The following DCP1A variants were observed in gnomAD, a reference collection of about 807,000 sequenced individuals.
DCP1A encodes decapping mRNA 1A.
Under a neutral mutation model 58.0 loss-of-function variants are expected in DCP1A, and 20 were observed. That is an observed-to-expected ratio of 0.34 (90% CI 0.24 to 0.50). DCP1A has a LOEUF of 0.50. DCP1A is among the 20% of genes least tolerant of loss of function. The probability of loss-of-function intolerance (pLI) is 0.98; values close to 1 mark genes in which losing one functional copy is unlikely to be tolerated. For synonymous variants in DCP1A, 285 were observed against 275.1 expected (o/e 1.04, Z -0.36); for missense variants, 613 against 712.2 (o/e 0.86, Z 1.59).
At chr3:53,325,947 G>C (rs1440372620) in intron 3 of DCP1A, among the ~76,000 whole-genome samples, 1 of 152,098 alleles carries the variant, frequency 6.6e-6, no homozygotes, top group African/African-American at 2.4e-5. Flanking sequence ...AACCCTTTTG[G>C]CCAAAAAACC....
chr3:53,320,577 G>T (rs1441146992), intron 3 of DCP1A, among the ~76,000 whole-genome samples: 1 of 152,060 alleles, frequency 6.6e-6, no homozygotes, highest in Non-Finnish European at 1.5e-5. Flanking sequence ...TTTTTATTTT[G>T]AAATAATTGT....
Position 53,342,261 on chromosome 3 carries a change from G to T in DCP1A, c.187C>A (p.Pro63Thr). ...TTCACAATGGTAAAACCATGGTAAG[G>T]GGAAGCTGACCTTAGATTTAATAGA... Reference protein sequence around the residue: ...TLFVYRRSASPYHGFTIVNRL... With the variant: ...TLFVYRRSASTYHGFTIVNRL... Residue 63 changes from proline (P) to threonine (T), a missense_variant, in exon 3 of 10, where the codon CCT becomes ACT. This residue lies in a region of DCP1A where 65 missense variants were observed against 118.5 expected (regional missense o/e 0.55). Transcript: ENST00000610213. The T allele has an allele frequency of 6.3e-7, 1 of 1,598,408 alleles. No individual in the cohort carries two copies. The highest frequency in any genetic ancestry group is 1.1e-5 in the South Asian group (1 of 88,880).
chr3:53,306,464 C>T (rs1457072410), intron 5 of DCP1A, among the ~76,000 whole-genome samples: 1 of 152,096 alleles, frequency 6.6e-6, no homozygotes, highest in Non-Finnish European at 1.5e-5. Context: ...AGCAGTGGCT[C>T]CCAGCACTTC....
intron 8 of DCP1A, 144 bp from the exon 9 acceptor site, chr3:53,288,427 A>G: frequency 1.6e-6 from 1 of 634,034 alleles, no homozygotes; most frequent in Non-Finnish European, 2.7e-6. Context: ...AACATTCAGT[A>G]GGAACATGTG....
At chr3:53,298,638 G>A (rs1297074111) in intron 6 of DCP1A, among the ~76,000 whole-genome samples, 3 of 152,178 alleles carry the variant, frequency 2.0e-5, no homozygotes, top group African/African-American at 7.2e-5. Flanking sequence ...CTTAAGCAGT[G>A]TGCCACCATA....
intron 3 of DCP1A, among the ~76,000 whole-genome samples, chr3:53,333,861 ACTC>A (rs2089062797): frequency 6.6e-6 from 1 of 152,106 alleles, no homozygotes; most frequent in Non-Finnish European, 1.5e-5. Context: ...ACCGTGTATG[ACTC>A]ACACAGAGAC....
At chr3:53,329,272 A>C (rs1708194043) in intron 3 of DCP1A, 1 of 398,082 alleles carries the variant, frequency 2.5e-6, no homozygotes, top group Non-Finnish European at 4.4e-6. Context: ...TCTTCTACTA[A>C]AACTTTCCAT....
intron 3 of DCP1A, among the ~76,000 whole-genome samples, chr3:53,333,979 C>T (rs1048690151): frequency 6.6e-6 from 1 of 151,856 alleles, no homozygotes; most frequent in South Asian, 2.1e-4. Context: ...AACCAGCATA[C>T]AGGGCCAGTG....
intron 5 of DCP1A, among the ~76,000 whole-genome samples, chr3:53,306,844 A>G (rs1707491019): frequency 6.6e-6 from 1 of 151,368 alleles, no homozygotes; most frequent in South Asian, 2.1e-4. Flanking sequence ...CTTGAGCCCA[A>G]GAGTTTAAGG....
chr3:53,336,206 C>T (rs886714430), intron 3 of DCP1A, among the ~76,000 whole-genome samples: 2 of 152,158 alleles, frequency 1.3e-5, no homozygotes, highest in African/African-American at 2.4e-5. Context: ...CGGGTTCAAA[C>T]GATTCTTCTG....
chr3:53,288,551 G>C (rs1553685507), intron 8 of DCP1A, among the ~76,000 whole-genome samples: 1 of 152,196 alleles, frequency 6.6e-6, no homozygotes, highest in African/African-American at 2.4e-5. Context: ...CAGTAGGTAA[G>C]AGAAGTAACA....
intron 3 of DCP1A, among the ~76,000 whole-genome samples, chr3:53,335,976 T>C (rs1223581866): frequency 6.6e-6 from 1 of 151,712 alleles, no homozygotes; most frequent in East Asian, 1.9e-4. Context: ...TTTTTTGTAT[T>C]TTTTATAGAG....
intron 3 of DCP1A, among the ~76,000 whole-genome samples, chr3:53,320,279 G>T (rs552219914): frequency 6.6e-6 from 1 of 152,102 alleles, no homozygotes; most frequent in Non-Finnish European, 1.5e-5. Flanking sequence ...TTCCCAATAT[G>T]GTGCTCAGTT....
intron 4 of DCP1A, among the ~76,000 whole-genome samples, chr3:53,317,542 TA>T (rs1707849094): frequency 6.6e-6 from 1 of 152,188 alleles, no homozygotes; most frequent in Non-Finnish European, 1.5e-5. Context: ...GATCATCTAA[TA>T]AATGGCTATG....
At chr3:53,290,625 G>C (rs963389905) in intron 8 of DCP1A, 166 bp downstream of exon 8, 2 of 679,906 alleles carry the variant, frequency 2.9e-6, no homozygotes, top group Non-Finnish European at 5.2e-6. Flanking sequence ...GTGTTCTTCA[G>C]AAAGAGGGAG....
intron 2 of DCP1A, among the ~76,000 whole-genome samples, chr3:53,344,597 T>C (rs980883878): frequency 6.6e-6 from 1 of 152,206 alleles, no homozygotes; most frequent in African/African-American, 2.4e-5. Flanking sequence ...AATATATATC[T>C]TTCTTTTTCT....
Position 53,290,818 on chromosome 3 carries a change from C to G in DCP1A, c.1422G>C (p.Gln474His), listed in dbSNP as rs116594772. 1,241 of 1,590,054 alleles carry G rather than the reference C, an allele frequency of 7.8e-4. 5 individuals carry two copies. In the African/African-American group the frequency reaches 0.015, roughly 20 times the overall value. Residue 474 changes from glutamine to histidine, a missense_variant, in exon 8 of 10, where the codon CAG becomes CAC. Gln to His is a conservative substitution (Grantham distance 24). Transcript: ENST00000610213. ...GGATGGCACTGGATAACACCTTAGG[C>G]TGCACAAATACTTCAGGATCCTGGT... ...QQNQDPEVFVQPKVLSSAIPV... is the reference protein window; with the variant it reads ...QQNQDPEVFVHPKVLSSAIPV...
chr3:53,341,533 T>C (rs1360947238), intron 3 of DCP1A, among the ~76,000 whole-genome samples: 2 of 152,156 alleles, frequency 1.3e-5, no homozygotes, highest in Admixed American at 1.3e-4. Context: ...ATCCTGTGTG[T>C]CCCAAACTAA....
At chr3:53,288,763 G>A (rs1466928804) in intron 8 of DCP1A, among the ~76,000 whole-genome samples, 5 of 152,126 alleles carry the variant, frequency 3.3e-5, no homozygotes, top group African/African-American at 1.2e-4. Flanking sequence ...TTGGCTGGGC[G>A]CAGTGGTTCA....
Sources: gnomAD v4.1 joint callset for allele counts (sites outside exome capture counted in the v4.1 genomes callset) on GRCh38, gnomAD v4.1.1 for gene constraint, gnomAD v4.1.1 regional missense constraint, MANE v1.5 for transcripts, NCBI Gene and HGNC (gene_info 2026-07-23, HGNC 2026-07-21) for gene names.